The following CFAP46 variants were observed in gnomAD, a reference collection of about 807,000 sequenced individuals.
CFAP46 encodes the protein cilia- and flagella-associated protein 46.
In CFAP46, 245 loss-of-function variants were observed where a neutral mutation model predicts 325.7. That is an observed-to-expected ratio of 0.75 (90% CI 0.68 to 0.84). CFAP46 has a LOEUF of 0.84. CFAP46 is among the 40% of genes least tolerant of loss of function. The pLI is 0.00. For synonymous variants in CFAP46, 1,523 were observed against 1,495.9 expected (o/e 1.02, Z -0.42); for missense variants, 3,346 against 3,543.0 (o/e 0.94, Z 1.41).
At chr10:132,830,307 C>A (rs576835169) in intron 50 of CFAP46, among the ~76,000 whole-genome samples, 1 of 152,206 alleles carries the variant, frequency 6.6e-6, no homozygotes, top group South Asian at 2.1e-4. Context: ...CCACACCCAG[C>A]TAATTTTTGT....
rs368101100 is a variant in CFAP46 at position 132,940,581 on chromosome 10, CT to C, written c.371+414del. 7.6e-3 allele frequency among the ~76,000 whole-genome samples: 1,106 copies of C among 144,954 alleles called. 6 individuals carry two copies. Among genetic ancestry groups the C allele is most frequent in the African/African-American group, 0.02 (797 of 39,896 alleles). Reference sequence around the variant, plus strand: ...GGGGAGGCCCTGGAGAAAACAGACTCTTTTTTTTTTTTTATTGATACAGAGT... The same window carrying C: ...GGGGAGGCCCTGGAGAAAACAGACTCTTTTTTTTTTTTATTGATACAGAGT... On this transcript the variant is annotated intron_variant, in intron 4 of 57. Transcript: ENST00000368586.
chr10:132,832,491 C>T lies in CFAP46; in HGVS notation c.7117+867G>A, dbSNP rs1564770771. 3.3e-5 allele frequency: 10 copies of T among 299,742 alleles called. No individual in the cohort carries two copies. The highest frequency in any genetic ancestry group is 1.3e-4 in the South Asian group (5 of 37,596). 18.6% of individuals were successfully genotyped at this position (299,742 alleles called of 1,614,324 possible). On this transcript the variant is annotated intron_variant, in intron 50 of 57. Coordinates refer to ENST00000368586, the MANE Select transcript of CFAP46 (RefSeq NM_001200049.3). The surrounding 1 kb of genome is among the most constrained non-coding windows in gnomAD (Gnocchi z 4.1). ...ACCCCCTTCGAGGCCCCCCGTCCTG[C>T]GCGGACTGCTCGTCAATGTTTGAAA...
chr10:132,911,956 G>C (rs1195833776), intron 19 of CFAP46, among the ~76,000 whole-genome samples: 1 of 152,072 alleles, frequency 6.6e-6, no homozygotes, highest in Admixed American at 6.5e-5. Flanking sequence ...TGGAGCCCCT[G>C]ACGTTTTACT....
At chr10:132,815,841 A>G (rs1847683915) in intron 50 of CFAP46, among the ~76,000 whole-genome samples, 1 of 152,062 alleles carries the variant, frequency 6.6e-6, no homozygotes, top group Non-Finnish European at 1.5e-5. Context: ...TTATCTTTTT[A>G]TGTATTTTTT....
Position 132,912,761 on chromosome 10 carries a change from C to T in CFAP46, c.2393G>A (p.Trp798Ter). ...CTTCTCGGCAGCCTGGACTGGAATC[C>T]AGCTGATGATCAGGCCTCGCGCCAA... ...NTLARGLIIS[W>*]IPVQAAEKSR... Residue 798 changes from tryptophan (W) to a stop codon, truncating the protein, a stop_gained, in exon 19 of 58, where the codon TGG (tryptophan) becomes TAG (stop). Transcript: ENST00000368586. LOFTEE classifies it high-confidence loss of function. 1 of 1,550,322 alleles carries T rather than the reference C, an allele frequency of 6.5e-7. No individual in the cohort carries two copies. Among genetic ancestry groups the T allele is most frequent in the Non-Finnish European group, 8.7e-7 (1 of 1,146,994 alleles).
intron 44 of CFAP46, among the ~76,000 whole-genome samples, chr10:132,838,604 T>G (rs531318895): frequency 3.2e-4 from 48 of 152,370 alleles, no homozygotes; most frequent in African/African-American, 8.7e-4. Context: ...CCACAGCTGG[T>G]AATGCCACAG....
intron 5 of CFAP46, 123 bp downstream of exon 5, chr10:132,938,466 C>T (rs1224901863): frequency 1.3e-5 from 12 of 922,144 alleles, no homozygotes; most frequent in East Asian, 4.9e-5. Context: ...TGGGAGAGAA[C>T]GCACATGGAG....
Position 132,869,137 on chromosome 10 carries a change from G to C in CFAP46, c.4610+137C>G. On this transcript the variant is annotated intron_variant, in intron 33 of 57. Coordinates refer to ENST00000368586, the MANE Select transcript of CFAP46 (RefSeq NM_001200049.3). The surrounding 1 kb of genome is among the most constrained non-coding windows in gnomAD (Gnocchi z 6.2). Reference sequence around the variant, plus strand: ...GCACGACCCAGGAGAACCGGCCACAGCCGTGTCCCCCAAGTGCTCACTCTC... The same window carrying C: ...GCACGACCCAGGAGAACCGGCCACACCCGTGTCCCCCAAGTGCTCACTCTC... 1 of 621,164 alleles carries C rather than the reference G, an allele frequency of 1.6e-6. No individual in the cohort carries two copies. The highest frequency in any genetic ancestry group is 2.5e-6 in the Non-Finnish European group (1 of 393,138). 38.5% of individuals were successfully genotyped at this position (621,164 alleles called of 1,614,324 possible). A position where few individuals can be genotyped will look rare whatever the true frequency, so the allele number is the denominator to read the frequency against.
chr10:132,897,951 T>C (rs1035695488), intron 24 of CFAP46, among the ~76,000 whole-genome samples: 1 of 151,544 alleles, frequency 6.6e-6, no homozygotes, highest in South Asian at 2.1e-4. Flanking sequence ...GCGGCTTCTG[T>C]AGCCGCACCC....
chr10:132,852,983 A>G (rs1170830353), intron 39 of CFAP46, among the ~76,000 whole-genome samples: 3 of 152,210 alleles, frequency 2.0e-5, no homozygotes, highest in Non-Finnish European at 4.4e-5. Flanking sequence ...GCAGACAACT[A>G]TGTTATCTGT....
Position 132,846,124 on chromosome 10 carries a change from C to G in CFAP46, c.6371G>C (p.Arg2124Pro). 1 of 1,610,032 alleles carries G rather than the reference C, an allele frequency of 6.2e-7. No individual in the cohort carries two copies. The highest frequency in any genetic ancestry group is 8.5e-7 in the Non-Finnish European group (1 of 1,179,360). The change falls in exon 44 of 58, where the codon CGG (arginine) becomes CCG (proline). Residue 2124 changes from arginine to proline, a missense_variant. Arg to Pro is a moderately radical substitution (Grantham distance 103, BLOSUM62 -2). Transcript: ENST00000368586. Reference sequence around the variant, plus strand: ...GCTGGTGGTGGTCCTGTCTTGGCACCGGAGCTGGTGCTGTAGCTGCAGCAG... The same window carrying G: ...GCTGGTGGTGGTCCTGTCTTGGCACGGGAGCTGGTGCTGTAGCTGCAGCAG... ...AALLQLQHQL[R>P]CQDRTTTSLG...
At chr10:132,857,867 C>G (rs373435176) in intron 38 of CFAP46, 79 bp from the exon 39 acceptor site, 1 of 1,222,884 alleles carries the variant, frequency 8.2e-7, no homozygotes, top group Non-Finnish European at 1.1e-6. Flanking sequence ...TTCTATCATA[C>G]TGTATATTTT....
At chr10:132,917,061 C>G (rs10870204) in intron 16 of CFAP46, among the ~76,000 whole-genome samples, 25,075 of 152,292 alleles carry the variant, frequency 0.16, 2,877 homozygotes, top group African/African-American at 0.33. Flanking sequence ...GCGCTGGCCT[C>G]CGGGGCGTGG....
At chr10:132,899,485 G>T in intron 23 of CFAP46, 50 bp downstream of exon 23, 1 of 1,497,282 alleles carries the variant, frequency 6.7e-7, no homozygotes, top group South Asian at 1.3e-5. Flanking sequence ...CAGGGGTCCC[G>T]CACGGCCGGG....
rs1424607420 is a variant in CFAP46 at position 132,857,772 on chromosome 10, C to T, written c.5392G>A (p.Glu1798Lys). The stretch of plus-strand genomic sequence containing the variant: ...GCAGTTTTTTGTTCTTCATCTTTCT[C>T]GTTCTGGGCACGTAACCTTTATAAG... ...AKIKRLRAQNEKDEEQKTAYY... is the reference protein window; with the variant it reads ...AKIKRLRAQNKKDEEQKTAYY... Residue 1798 changes from glutamate to lysine, a missense_variant, in exon 39 of 58, where the codon GAG becomes AAG. Coordinates refer to ENST00000368586, the MANE Select transcript of CFAP46 (RefSeq NM_001200049.3). The T allele has an allele frequency of 7.7e-6, 12 of 1,557,318 alleles. No homozygotes were observed. Among genetic ancestry groups the T allele is most frequent in the Non-Finnish European group, 9.5e-6 (11 of 1,152,252 alleles).
chr10:132,938,501 C>T (rs890673661), intron 5 of CFAP46, 88 bp downstream of exon 5: 50 of 1,272,512 alleles, frequency 3.9e-5, no homozygotes, highest in East Asian at 7.1e-5. Flanking sequence ...GTGGAACTCC[C>T]GTCCCCCCCC....
chr10:132,854,318 T>TGTG (rs1848606597), intron 39 of CFAP46, among the ~76,000 whole-genome samples: 1 of 145,794 alleles, frequency 6.9e-6, no homozygotes, highest in Non-Finnish European at 1.5e-5. Flanking sequence ...CATACATAGC[T>TGTG]TTCTGTGTTT....
chr10:132,834,780 C>T lies in CFAP46; in HGVS notation c.6745-5G>A, dbSNP rs766932051. The T allele has an allele frequency of 1.2e-5, 19 of 1,608,048 alleles. No individual in the cohort carries two copies. The highest frequency in any genetic ancestry group is 5.4e-5 in the African/African-American group (4 of 74,724). ...CACCTGCAGGCCTTCTGGTTCCTAC[C>T]GCAATCCAAAAAAGAGGCCCCCGTA... On this transcript the variant is annotated splice_region_variant and splice_polypyrimidine_tract_variant and intron_variant, in intron 47 of 57. Transcript: ENST00000368586.
Position 132,828,848 on chromosome 10 carries a change from A to C in CFAP46, c.7117+4510T>G, listed in dbSNP as rs2134966082. On this transcript the variant is annotated intron_variant, in intron 50 of 57. Coordinates refer to ENST00000368586, the MANE Select transcript of CFAP46 (RefSeq NM_001200049.3). The surrounding 1 kb of genome is among the most constrained non-coding windows in gnomAD (Gnocchi z 4.9). Reference sequence around the variant, plus strand: ...TCATGGAGATGCCCTTCCTCCGCTCAGCGTCCTCGTCCCTTTGCCAGCCAC... The same window carrying C: ...TCATGGAGATGCCCTTCCTCCGCTCCGCGTCCTCGTCCCTTTGCCAGCCAC... Among the ~76,000 whole-genome samples, 1 of 152,182 alleles carries C rather than the reference A, an allele frequency of 6.6e-6. No individual in the cohort carries two copies. The highest frequency in any genetic ancestry group is 2.1e-4 in the South Asian group (1 of 4,820).
Sources: gnomAD v4.1 joint callset for allele counts (sites outside exome capture counted in the v4.1 genomes callset) on GRCh38, gnomAD v4.1.1 for gene constraint, Gnocchi (gnomAD v3.1) non-coding constraint, MANE v1.5 for transcripts, NCBI Gene and HGNC (gene_info 2026-07-23, HGNC 2026-07-21) for gene names.